Variants in ASIC2 observed in about 807,000 individuals in gnomAD.
ASIC2 encodes the protein acid sensing ion channel subunit 2, also known as acid-sensing ion channel 2.
ASIC2 carries 25 observed loss-of-function variants against 57.3 expected under a neutral mutation model. The observed-to-expected ratio is 0.44, with a 90% confidence interval of 0.32 to 0.61. ASIC2 has a LOEUF of 0.61. Among genes scored for constraint, ASIC2 ranks in the 20% least tolerant of loss-of-function variants. The probability of loss-of-function intolerance (pLI) is 0.06; values close to 1 mark genes in which losing one functional copy is unlikely to be tolerated. For missense variants in ASIC2, 641 were observed against 738.1 expected, an observed-to-expected ratio of 0.87 and a Z score of 1.52; for synonymous variants, 319 against 307.5, an observed-to-expected ratio of 1.04 and a Z score of -0.39.
chr17:34,060,540 A>T (rs1908934482), intron 1 of ASIC2, among the ~76,000 whole-genome samples: 1 of 152,198 alleles, frequency 6.6e-6, no homozygotes, highest in Non-Finnish European at 1.5e-5. Context: ...TTAGTTATTA[A>T]GCTAATCAGG....
intron 1 of ASIC2, among the ~76,000 whole-genome samples, chr17:33,167,866 C>T (rs566794325): frequency 6.6e-6 from 1 of 152,318 alleles, no homozygotes; most frequent in Non-Finnish European, 1.5e-5. Flanking sequence ...AGGAAGTCAT[C>T]CTTCCCATTT....
intron 1 of ASIC2, among the ~76,000 whole-genome samples, chr17:33,127,760 T>C (rs1217488445): frequency 2.0e-5 from 3 of 152,224 alleles, no homozygotes; most frequent in East Asian, 1.9e-4. Flanking sequence ...CACAGCCTCC[T>C]ACAGAGTCTC....
At chr17:33,211,567 C>A (rs908191128) in intron 1 of ASIC2, among the ~76,000 whole-genome samples, 1 of 150,850 alleles carries the variant, frequency 6.6e-6, no homozygotes, top group Non-Finnish European at 1.5e-5. Flanking sequence ...AAGTGAAGAT[C>A]TGACCTGCTG....
chr17:34,056,411 A>G (rs557871850), intron 1 of ASIC2, among the ~76,000 whole-genome samples: 1 of 152,174 alleles, frequency 6.6e-6, no homozygotes, highest in Admixed American at 6.5e-5. Flanking sequence ...TTATGAACCA[A>G]TTCTGGTAAT....
intron 2 of ASIC2, among the ~76,000 whole-genome samples, chr17:33,109,956 C>T (rs2092250111): frequency 1.3e-5 from 2 of 152,134 alleles, no homozygotes; most frequent in South Asian, 4.1e-4. Context: ...TAGACTGCAG[C>T]CAGTGCTCAG....
At chr17:33,712,635 G>GTTTTTTTTTTTTTTTTTT (rs1567695931) in intron 1 of ASIC2, among the ~76,000 whole-genome samples, 5 of 123,320 alleles carry the variant, frequency 4.1e-5, no homozygotes, top group African/African-American at 1.3e-4. Context: ...TACTCATATG[G>GTTTTTTTTTTTTTTTTTT]CTTTTTTTTT....
At chr17:33,956,399 C>A (rs143764457) in intron 1 of ASIC2, among the ~76,000 whole-genome samples, 1 of 152,098 alleles carries the variant, frequency 6.6e-6, no homozygotes, top group African/African-American at 2.4e-5. Context: ...CAAAGGGAGT[C>A]GGGTAGCCCT....
chr17:33,384,437 T>G (rs937327019), intron 1 of ASIC2, among the ~76,000 whole-genome samples: 1 of 152,118 alleles, frequency 6.6e-6, no homozygotes, highest in Non-Finnish European at 1.5e-5. Flanking sequence ...GTGAACTGAT[T>G]GTCAGGAGTG....
At chr17:33,130,688 C>T (rs1346027750) in intron 1 of ASIC2, among the ~76,000 whole-genome samples, 1 of 152,158 alleles carries the variant, frequency 6.6e-6, no homozygotes, top group Non-Finnish European at 1.5e-5. Context: ...ACTTTTTCCT[C>T]CTGGAGGGGG....
chr17:33,264,900 A>C (rs1371936055), intron 1 of ASIC2, among the ~76,000 whole-genome samples: 1 of 152,248 alleles, frequency 6.6e-6, no homozygotes, highest in African/African-American at 2.4e-5. Context: ...GTTGGGGGAA[A>C]ACAAATATTT....
chr17:33,322,846 G>A (rs921656207), intron 1 of ASIC2, among the ~76,000 whole-genome samples: 1 of 152,166 alleles, frequency 6.6e-6, no homozygotes, highest in East Asian at 1.9e-4. Context: ...TACTTGAATA[G>A]CATCATGAAA....
chr17:33,014,083 G>A lies in ASIC2; in HGVS notation c.1591-17C>T. ...ACAAGTACTCTGGAAGGGAAGGGTT[G>A]GTGGGAGTTTATTATTCGCTCAGCA... On this transcript the variant is annotated splice_polypyrimidine_tract_variant and intron_variant, in intron 9 of 9. Transcript: ENST00000225823. The A allele has an allele frequency of 6.4e-7, 1 of 1,565,238 alleles. No homozygotes were observed. The highest frequency in any genetic ancestry group is 2.3e-5 in the East Asian group (1 of 42,924).
intron 1 of ASIC2, among the ~76,000 whole-genome samples, chr17:33,176,928 T>C (rs2142054610): frequency 6.6e-6 from 1 of 152,200 alleles, no homozygotes; most frequent in Non-Finnish European, 1.5e-5. Context: ...GAAGAGAAGA[T>C]AGTAGATGGA....
chr17:33,301,021 T>C (rs922827852), intron 1 of ASIC2, among the ~76,000 whole-genome samples: 59 of 101,822 alleles, frequency 5.8e-4, no homozygotes, highest in African/African-American at 2.5e-3. Flanking sequence ...TTTATTTATT[T>C]ATTTATTTAT....
chr17:33,579,581 A>T (rs1189603536), intron 1 of ASIC2, among the ~76,000 whole-genome samples: 1 of 152,058 alleles, frequency 6.6e-6, no homozygotes, highest in Non-Finnish European at 1.5e-5. Context: ...TGAGTGTTAC[A>T]GCTCTTAAAG....
intron 1 of ASIC2, among the ~76,000 whole-genome samples, chr17:33,342,043 A>G (rs1338252889): frequency 6.6e-6 from 1 of 152,206 alleles, no homozygotes; most frequent in African/African-American, 2.4e-5. Flanking sequence ...TTTGATTTAA[A>G]CTTAATGTTG....
intron 1 of ASIC2, chr17:34,036,680 G>GTTTTTTT (rs71147413): frequency 3.0e-4 from 30 of 100,556 alleles, no homozygotes; most frequent in Non-Finnish European, 5.2e-4. Flanking sequence ...CTTTGAATTT[G>GTTTTTTT]TTTTTTTTTT....
chr17:33,141,452 C>T (rs913771304), intron 1 of ASIC2, among the ~76,000 whole-genome samples: 17 of 152,134 alleles, frequency 1.1e-4, no homozygotes, highest in South Asian at 2.1e-4. Context: ...CAAGGAAAAG[C>T]GGCATAAAAT....
At chr17:33,680,493 C>G (rs1234783483) in intron 1 of ASIC2, 1 of 152,256 alleles carries the variant, frequency 6.6e-6, no homozygotes, top group South Asian at 2.1e-4. Context: ...GCTACAGCTA[C>G]AAAAGACCAC....
Sources: allele counts gnomAD v4.1 joint callset (sites outside exome capture counted in the v4.1 genomes callset), GRCh38; gene constraint gnomAD v4.1.1; transcripts MANE v1.5; gene names NCBI Gene and HGNC (gene_info 2026-07-23, HGNC 2026-07-21).